Variants in ATRNL1 observed in about 807,000 individuals in gnomAD.
The protein encoded by ATRNL1 is attractin like 1.
In ATRNL1, 95 loss-of-function variants were observed where a neutral mutation model predicts 182.7. The ratio of observed to expected loss-of-function variants is 0.52; its 90% CI spans 0.44 to 0.62. The LOEUF is 0.62. ATRNL1 is among the 20% of genes least tolerant of loss of function. The pLI, the probability that ATRNL1 is intolerant of heterozygous loss-of-function variation, is 0.00. For missense variants in ATRNL1, 1,471 were observed against 1,679.5 expected (o/e 0.88, Z 2.17); for synonymous variants, 576 against 568.3 (o/e 1.01, Z -0.19).
intron 21 of ATRNL1, among the ~76,000 whole-genome samples, chr10:115,445,148 G>C (rs1216662618): frequency 6.6e-6 from 1 of 151,488 alleles, no homozygotes; most frequent in Non-Finnish European, 1.5e-5. Context: ...GCACTTGGCT[G>C]CTGGGCAAAA....
intron 11 of ATRNL1, 51 bp downstream of exon 11, chr10:115,265,328 C>T: frequency 1.1e-5 from 13 of 1,131,280 alleles, no homozygotes; most frequent in Non-Finnish European, 1.7e-5. Context: ...ATCAGTCATA[C>T]TATCCTCATA....
intron 24 of ATRNL1, among the ~76,000 whole-genome samples, chr10:115,480,202 A>G (rs1243114335): frequency 8.4e-6 from 1 of 118,856 alleles, no homozygotes; most frequent in African/African-American, 3.0e-5. Context: ...TAGATGAGTC[A>G]TTTGAACACA....
At chr10:115,255,955 G>A (rs1198337610) in intron 10 of ATRNL1, among the ~76,000 whole-genome samples, 3 of 152,152 alleles carry the variant, frequency 2.0e-5, no homozygotes, top group Non-Finnish European at 4.4e-5. Context: ...ATTTGCATAC[G>A]TTGAACCAGC....
intron 10 of ATRNL1, among the ~76,000 whole-genome samples, chr10:115,246,480 T>C (rs1421196092): frequency 2.6e-5 from 4 of 152,118 alleles, no homozygotes; most frequent in African/African-American, 9.7e-5. Flanking sequence ...AATAAGTTGA[T>C]TGGAAAATAG....
At position 115,093,623 on chromosome 10, in the gene ATRNL1, T is replaced by A; in HGVS notation, c.-128T>A. ...GTCCCTCCTGACCGGGGAGCGGGAC[T>A]CGGACGGGCGCCGGTGAGGAGGAGG... On this transcript the variant is annotated 5_prime_UTR_variant, in exon 1 of 29. Coordinates refer to ENST00000355044, the MANE Select transcript of ATRNL1 (RefSeq NM_207303.4). This position sits in a 1 kb window ranked among gnomAD's most constrained non-coding sequence, Gnocchi z 6.1. 9.1e-7 allele frequency: 1 copy of A among 1,102,878 alleles called. No individual in the cohort carries two copies. The highest frequency in any genetic ancestry group is 1.3e-6 in the Non-Finnish European group (1 of 765,478). 68.3% of individuals were successfully genotyped at this position (1,102,878 alleles called of 1,614,324 possible).
chr10:115,438,367 A>C (rs1846506960), intron 21 of ATRNL1, among the ~76,000 whole-genome samples: 1 of 152,104 alleles, frequency 6.6e-6, no homozygotes, highest in East Asian at 1.9e-4. Context: ...TTGCAAGAGT[A>C]AAGCAAATCT....
intron 24 of ATRNL1, among the ~76,000 whole-genome samples, chr10:115,487,456 C>A (rs1554975443): frequency 6.6e-6 from 1 of 152,162 alleles, no homozygotes; most frequent in African/African-American, 2.4e-5. Context: ...AGGTCCTTCA[C>A]ATCCCTTGTA....
intron 27 of ATRNL1, among the ~76,000 whole-genome samples, chr10:115,816,748 T>C (rs1316974939): frequency 6.6e-6 from 1 of 152,090 alleles, no homozygotes; most frequent in African/African-American, 2.4e-5. Context: ...AAGGTGTTTC[T>C]TCACGTAATG....
intron 26 of ATRNL1, among the ~76,000 whole-genome samples, chr10:115,700,694 T>C (rs1227264253): frequency 3.3e-5 from 5 of 151,986 alleles, no homozygotes; most frequent in African/African-American, 1.2e-4. Flanking sequence ...CCAATAACAG[T>C]AAAGAAGGAC....
chr10:115,481,490 A>T (rs1437793206), intron 24 of ATRNL1, among the ~76,000 whole-genome samples: 3 of 150,848 alleles, frequency 2.0e-5, no homozygotes, highest in Non-Finnish European at 3.0e-5. Flanking sequence ...CTAACTTATA[A>T]AATATTTTTA....
chr10:115,577,955 A>T (rs1854827159), intron 26 of ATRNL1, among the ~76,000 whole-genome samples: 1 of 151,676 alleles, frequency 6.6e-6, no homozygotes, highest in African/African-American at 2.4e-5. Context: ...TATTAAAAAA[A>T]ATCATGAACA....
intron 27 of ATRNL1, chr10:115,820,430 A>G (rs1589553564): frequency 6.6e-6 from 1 of 152,268 alleles, no homozygotes; most frequent in East Asian, 1.9e-4. Context: ...TAATTCCTTC[A>G]TCAGGATACA....
intron 28 of ATRNL1, among the ~76,000 whole-genome samples, chr10:115,878,783 A>G (rs1321009885): frequency 1.3e-5 from 2 of 152,188 alleles, no homozygotes; most frequent in East Asian, 3.9e-4. Flanking sequence ...GATACTGTGT[A>G]TAAATGAGGC....
intron 28 of ATRNL1, among the ~76,000 whole-genome samples, chr10:115,923,041 A>G (rs147446970): frequency 1.2e-3 from 186 of 152,310 alleles, no homozygotes; most frequent in African/African-American, 4.2e-3. Flanking sequence ...CATCTCAAAA[A>G]GATTTTTAAT....
At chr10:115,711,053 G>C (rs1947048744) in intron 26 of ATRNL1, among the ~76,000 whole-genome samples, 1 of 152,066 alleles carries the variant, frequency 6.6e-6, no homozygotes, top group Non-Finnish European at 1.5e-5. Flanking sequence ...GGTGGTTTCT[G>C]AGAGGGGCCA....
At chr10:115,168,039 A>G (rs1231446078) in intron 7 of ATRNL1, among the ~76,000 whole-genome samples, 1 of 152,088 alleles carries the variant, frequency 6.6e-6, no homozygotes, top group Non-Finnish European at 1.5e-5. Flanking sequence ...TTCTTTCTCT[A>G]TATATTGGTC....
intron 19 of ATRNL1, among the ~76,000 whole-genome samples, chr10:115,373,427 C>T (rs1044149027): frequency 1.3e-5 from 2 of 151,952 alleles, no homozygotes; most frequent in Admixed American, 1.3e-4. Flanking sequence ...TGTCGGAAAC[C>T]TTGTCTTATT....
chr10:115,592,268 G>T (rs1038122603), intron 26 of ATRNL1, among the ~76,000 whole-genome samples: 2 of 152,106 alleles, frequency 1.3e-5, no homozygotes, highest in Non-Finnish European at 2.9e-5. Flanking sequence ...CCTTAGCATT[G>T]TGCAATATAC....
At position 115,426,293 on chromosome 10, in the gene ATRNL1, A is replaced by G; in HGVS notation, c.3313A>G (p.Thr1105Ala). The stretch of plus-strand genomic sequence containing the variant: ...CTATGTTGGTAATCCACTTAGAGGA[A>G]CATGTTATTGTAAGTATATGTGTAT... ...NRYVGNPLRG[T>A]CYYSLLIDYQ... The change falls in exon 21 of 29, where the codon ACA (threonine) becomes GCA (alanine). Residue 1105 changes from threonine (T) to alanine (A), a missense_variant. This residue lies in a region of ATRNL1 where 437 missense variants were observed against 506.0 expected (regional missense o/e 0.86). Coordinates refer to ENST00000355044, the MANE Select transcript of ATRNL1 (RefSeq NM_207303.4). 1.9e-6 allele frequency: 3 copies of G among 1,610,156 alleles called. No homozygotes were observed. Among genetic ancestry groups the G allele is most frequent in the East Asian group, 2.2e-5 (1 of 44,650 alleles).
Sources: gnomAD v4.1 joint callset for allele counts (sites outside exome capture counted in the v4.1 genomes callset) on GRCh38, gnomAD v4.1.1 for gene constraint, gnomAD v4.1.1 regional missense constraint, Gnocchi (gnomAD v3.1) non-coding constraint, MANE v1.5 for transcripts, NCBI Gene and HGNC (gene_info 2026-07-23, HGNC 2026-07-21) for gene names.